Variants in EYS observed in about 807,000 individuals in gnomAD.
EYS encodes EGF-like photoreceptor maintenance factor, also known as protein eyes shut homolog.
Under a neutral mutation model 282.1 loss-of-function variants are expected in EYS, and 250 were observed. The observed-to-expected ratio is 0.89, with a 90% CI of 0.80 to 0.98. EYS has a LOEUF of 0.98. EYS is among the 50% of genes least tolerant of loss of function. The pLI, the probability that EYS is intolerant of heterozygous loss-of-function variation, is 0.00. For synonymous variants in EYS, 1,355 were observed against 1,282.9 expected (o/e 1.06, Z -1.20); for missense variants, 4,016 against 3,709.0 (o/e 1.08, Z -2.15).
intron 26 of EYS, among the ~76,000 whole-genome samples, chr6:64,537,207 T>G (rs1298146468): frequency 7.4e-6 from 1 of 135,008 alleles, no homozygotes; most frequent in Admixed American, 8.5e-5. Context: ...CCTTCCTGTG[T>G]CCATGTGATC....
At chr6:64,383,861 CT>C (rs1232802770) in intron 29 of EYS, among the ~76,000 whole-genome samples, 1 of 152,082 alleles carries the variant, frequency 6.6e-6, no homozygotes, top group African/African-American at 2.4e-5. Flanking sequence ...AGACAAGTGT[CT>C]TTGAAGAGCT....
At chr6:64,836,246 T>C (rs533790044) in intron 19 of EYS, among the ~76,000 whole-genome samples, 79 of 151,154 alleles carry the variant, frequency 5.2e-4, no homozygotes, top group African/African-American at 1.8e-3. Context: ...TTGCAAAATA[T>C]ATACATTCTT....
chr6:65,056,294 A>T (rs1412831484), intron 13 of EYS, among the ~76,000 whole-genome samples: 4 of 151,810 alleles, frequency 2.6e-5, no homozygotes, highest in Admixed American at 2.0e-4. Flanking sequence ...TAGTCCTAAA[A>T]TAGCTAGATC....
At chr6:65,271,212 C>CTGCT (rs1220184781) in intron 12 of EYS, among the ~76,000 whole-genome samples, 1 of 142,764 alleles carries the variant, frequency 7.0e-6, no homozygotes, top group Non-Finnish European at 1.5e-5. Flanking sequence ...ATTCCACAAT[C>CTGCT]TGCTGTCTGC....
At chr6:64,334,750 A>G (rs1770780166) in intron 29 of EYS, among the ~76,000 whole-genome samples, 1 of 152,166 alleles carries the variant, frequency 6.6e-6, no homozygotes, top group Non-Finnish European at 1.5e-5. Context: ...GCTTAATTCA[A>G]TGAATTGCTG....
intron 1 of EYS, among the ~76,000 whole-genome samples, chr6:65,658,719 T>C (rs1767906054): frequency 6.6e-6 from 1 of 151,600 alleles, no homozygotes; most frequent in Admixed American, 6.6e-5. Context: ...ATGTAACATA[T>C]ATGGAATTGA....
intron 2 of EYS, among the ~76,000 whole-genome samples, chr6:65,591,859 T>A (rs1765245853): frequency 6.6e-6 from 1 of 151,992 alleles, no homozygotes; most frequent in Non-Finnish European, 1.5e-5. Flanking sequence ...TTTTTTATAT[T>A]TAATAAGGCA....
chr6:65,609,970 G>C (rs536603201), intron 2 of EYS, among the ~76,000 whole-genome samples: 1 of 152,084 alleles, frequency 6.6e-6, no homozygotes, highest in East Asian at 1.9e-4. Flanking sequence ...TGCAATTTTA[G>C]GTCATTGCAG....
At position 65,211,423 on chromosome 6, in the gene EYS, G is replaced by T. The variant is rs141372761; in HGVS notation, c.2023+84440C>A. ...GACATAACATGCAAACCATCTATTGGCATACTGTTAGAAAAAATTTTGATG... is the reference window on the plus strand; with the variant it reads ...GACATAACATGCAAACCATCTATTGTCATACTGTTAGAAAAAATTTTGATG... On this transcript the variant is annotated intron_variant, in intron 12 of 42. Transcript: ENST00000503581. Among the ~76,000 whole-genome samples the T allele has an allele frequency of 4.3e-3, 658 of 151,986 alleles. 3 individuals are homozygous for T. Among genetic ancestry groups the T allele is most frequent in the African/African-American group, 0.015 (605 of 41,500 alleles).
At chr6:65,565,471 G>T (rs2127348284) in intron 2 of EYS, among the ~76,000 whole-genome samples, 1 of 152,160 alleles carries the variant, frequency 6.6e-6, no homozygotes, top group Non-Finnish European at 1.5e-5. Context: ...AGGATATGGA[G>T]GAATAGGAAT....
At chr6:63,764,578 C>T (rs1208121419) in intron 40 of EYS, among the ~76,000 whole-genome samples, 1 of 151,912 alleles carries the variant, frequency 6.6e-6, no homozygotes, top group Non-Finnish European at 1.5e-5. Context: ...AAATTATTCT[C>T]ACTGCCTTAT....
chr6:64,564,885 G>C (rs1765516569), intron 26 of EYS, among the ~76,000 whole-genome samples: 1 of 152,102 alleles, frequency 6.6e-6, no homozygotes, highest in South Asian at 2.1e-4. Context: ...AAACAGGTGT[G>C]TGGTGATACC....
intron 13 of EYS, among the ~76,000 whole-genome samples, chr6:65,036,586 A>T (rs1420150800): frequency 1.3e-5 from 2 of 151,872 alleles, no homozygotes; most frequent in Non-Finnish European, 1.5e-5. Context: ...TAATATCCAG[A>T]ATCTGTAAGG....
chr6:64,517,200 A>T (rs1224979208), intron 26 of EYS, among the ~76,000 whole-genome samples: 1 of 151,816 alleles, frequency 6.6e-6, no homozygotes, highest in African/African-American at 2.4e-5. Flanking sequence ...CCAAATAATT[A>T]TGAATAGAAC....
At chr6:65,384,284 G>A (rs2150351734) in intron 8 of EYS, 102 bp downstream of exon 8, 1 of 711,042 alleles carries the variant, frequency 1.4e-6, no homozygotes. Context: ...ATAAGGATAT[G>A]TTTCTCTGGC....
At chr6:64,000,470 G>A (rs938570809) in intron 33 of EYS, among the ~76,000 whole-genome samples, 8 of 151,354 alleles carry the variant, frequency 5.3e-5, no homozygotes, top group African/African-American at 1.5e-4. Context: ...AAAGTGCTAG[G>A]ATTACAGGCG....
intron 29 of EYS, among the ~76,000 whole-genome samples, chr6:64,351,229 A>G (rs1771621652): frequency 6.6e-6 from 1 of 151,626 alleles, no homozygotes; most frequent in Non-Finnish European, 1.5e-5. Context: ...TTAACTAAGA[A>G]GAAGAATACT....
rs1444368643 is a variant in EYS at position 64,384,764 on chromosome 6, C to G, written c.6078+3926G>C. ...GAAAGTTATCATCATTTATGGTCAT[C>G]AGGGGAAGCAGAGTTTTTCACACCC... On this transcript the variant is annotated intron_variant, in intron 29 of 42. Transcript: ENST00000503581. Among the ~76,000 whole-genome samples the G allele has an allele frequency of 3.3e-5, 5 of 152,168 alleles. No homozygotes were observed. The South Asian group carries it at 8.3e-4, about 25-fold the overall frequency.
intron 31 of EYS, among the ~76,000 whole-genome samples, chr6:64,173,572 G>A (rs1378804176): frequency 3.9e-5 from 6 of 152,070 alleles, no homozygotes; most frequent in Non-Finnish European, 1.5e-5. Flanking sequence ...ACTTTAAATG[G>A]TAAGGATGGA....
Sources: gnomAD v4.1 joint callset for allele counts (sites outside exome capture counted in the v4.1 genomes callset) on GRCh38, gnomAD v4.1.1 for gene constraint, MANE v1.5 for transcripts, NCBI Gene and HGNC (gene_info 2026-07-23, HGNC 2026-07-21) for gene names.